The following PTPRQ variants were observed in gnomAD, a reference collection of about 807,000 sequenced individuals.
PTPRQ encodes phosphatidylinositol phosphatase PTPRQ.
Under a neutral mutation model 246.0 loss-of-function variants are expected in PTPRQ, and 199 were observed. The observed-to-expected ratio is 0.81, with a 90% CI of 0.72 to 0.91. The LOEUF (loss-of-function observed/expected upper bound fraction) is 0.91, where lower values mean the gene tolerates loss of function less well. Ranked by LOEUF, PTPRQ falls within the 40% of genes least tolerant of loss-of-function variation. PTPRQ has a pLI of 0.00. For synonymous variants in PTPRQ, 869 were observed against 853.2 expected (o/e 1.02, Z -0.32); for missense variants, 2,624 against 2,528.4 (o/e 1.04, Z -0.81).
intron 43 of PTPRQ, among the ~76,000 whole-genome samples, chr12:80,678,171 G>A (rs960347636): frequency 1.3e-5 from 2 of 149,052 alleles, no homozygotes; most frequent in South Asian, 2.1e-4. Flanking sequence ...TTTTAAATGC[G>A]CTGATGATGT....
At chr12:80,633,313 A>G (rs1899512600) in intron 34 of PTPRQ, among the ~76,000 whole-genome samples, 1 of 152,196 alleles carries the variant, frequency 6.6e-6, no homozygotes, top group South Asian at 2.1e-4. Context: ...CAACACTTGT[A>G]AAATATCCAG....
chr12:80,479,143 T>A (rs1893935134), intron 8 of PTPRQ, among the ~76,000 whole-genome samples: 2 of 151,602 alleles, frequency 1.3e-5, no homozygotes, highest in Non-Finnish European at 2.9e-5. Context: ...CGGGTTACCC[T>A]CAAAGGGAAG....
At chr12:80,608,921 A>G (rs925762626) in intron 27 of PTPRQ, among the ~76,000 whole-genome samples, 1 of 150,630 alleles carries the variant, frequency 6.6e-6, no homozygotes, top group Admixed American at 6.6e-5. Context: ...TACAAAAAGC[A>G]TATTTTTATG....
intron 9 of PTPRQ, among the ~76,000 whole-genome samples, chr12:80,488,730 A>G (rs1894357766): frequency 6.6e-6 from 1 of 152,006 alleles, no homozygotes; most frequent in African/African-American, 2.4e-5. Context: ...TAACCCTCCT[A>G]TGCTAGGCAT....
intron 9 of PTPRQ, among the ~76,000 whole-genome samples, chr12:80,490,997 G>A (rs1204294436): frequency 2.0e-5 from 3 of 151,930 alleles, no homozygotes; most frequent in Non-Finnish European, 4.4e-5. Flanking sequence ...TTGTTACAAA[G>A]CCAATGTTCA....
At chr12:80,539,494 C>T (rs771803864) in intron 19 of PTPRQ, among the ~76,000 whole-genome samples, 1 of 152,078 alleles carries the variant, frequency 6.6e-6, no homozygotes, top group Non-Finnish European at 1.5e-5. Flanking sequence ...TGTAGCATTT[C>T]CATTTGGCCA....
In PTPRQ at chr12:80,603,256, C is replaced by G. The variant is rs17006950; in HGVS notation, c.4610-1803C>G. On this transcript the variant is annotated intron_variant, in intron 26 of 44. Transcript: ENST00000644991. Reference sequence around the variant, plus strand: ...TTTAGGATCTCATGTTTTACTTGGCCTTTTGGAAAGAGCTTATCTACACTC... The same window carrying G: ...TTTAGGATCTCATGTTTTACTTGGCGTTTTGGAAAGAGCTTATCTACACTC... 1.0e-2 allele frequency among the ~76,000 whole-genome samples: 1,507 copies of G among 151,028 alleles called. 20 individuals are homozygous for G. Among genetic ancestry groups the G allele is most frequent in the African/African-American group, 0.034 (1,418 of 41,164 alleles).
chr12:80,640,025 C>CGTGTGT (rs149812346), intron 35 of PTPRQ, among the ~76,000 whole-genome samples: 4,866 of 142,976 alleles, frequency 0.034, 115 homozygotes, highest in Admixed American at 0.075. Flanking sequence ...TGAAGATACA[C>CGTGTGT]GTGTGTGTGT....
chr12:80,627,152 G>T (rs903371456), intron 33 of PTPRQ, among the ~76,000 whole-genome samples: 2 of 151,860 alleles, frequency 1.3e-5, no homozygotes, highest in African/African-American at 4.8e-5. Context: ...ATTGAATCAA[G>T]TTAATTAACA....
At chr12:80,514,157 T>A (rs1895207551) in intron 17 of PTPRQ, among the ~76,000 whole-genome samples, 1 of 152,104 alleles carries the variant, frequency 6.6e-6, no homozygotes. Context: ...CTCTCACTCT[T>A]TTTTCGTAGT....
At chr12:80,658,650 C>T (rs1900525937) in intron 39 of PTPRQ, among the ~76,000 whole-genome samples, 1 of 152,044 alleles carries the variant, frequency 6.6e-6, no homozygotes, top group South Asian at 2.1e-4. Flanking sequence ...CCACTTCTTC[C>T]TAAGACGGGA....
intron 38 of PTPRQ, among the ~76,000 whole-genome samples, chr12:80,656,466 C>G (rs1485845410): frequency 1.3e-5 from 2 of 151,958 alleles, no homozygotes; most frequent in Admixed American, 1.3e-4. Flanking sequence ...TCCTGTTTAC[C>G]CATTTTTCCT....
At chr12:80,639,094 A>G (rs955087392) in intron 35 of PTPRQ, among the ~76,000 whole-genome samples, 1 of 152,216 alleles carries the variant, frequency 6.6e-6, no homozygotes, top group Non-Finnish European at 1.5e-5. Context: ...ACGCACAGTA[A>G]GACACAGACC....
chr12:80,456,117 A>G (rs1289660792), intron 3 of PTPRQ, among the ~76,000 whole-genome samples: 2 of 152,178 alleles, frequency 1.3e-5, no homozygotes, highest in South Asian at 2.1e-4. Flanking sequence ...AAATAATTAA[A>G]TAGAGAGAAG....
At chr12:80,659,375 T>C (rs1900553913) in intron 39 of PTPRQ, among the ~76,000 whole-genome samples, 1 of 152,062 alleles carries the variant, frequency 6.6e-6, no homozygotes. Flanking sequence ...GATGCATATA[T>C]GCATTTAGAT....
At chr12:80,506,514 A>AAAC (rs935859574) in intron 15 of PTPRQ, 55 bp from the exon 16 acceptor site, 2 of 1,344,596 alleles carry the variant, frequency 1.5e-6, no homozygotes, top group African/African-American at 3.0e-5. Context: ...TGCCTCTTGC[A>AAAC]TATTATTAAA....
chr12:80,606,991 A>G (rs1449530440), intron 27 of PTPRQ, among the ~76,000 whole-genome samples: 1 of 151,058 alleles, frequency 6.6e-6, no homozygotes. Flanking sequence ...ACATATTAAG[A>G]AGTGATTTTG....
intron 6 of PTPRQ, among the ~76,000 whole-genome samples, chr12:80,463,624 C>T (rs570387165): frequency 1.3e-5 from 2 of 151,966 alleles, no homozygotes; most frequent in African/African-American, 2.4e-5. Flanking sequence ...AGAGAAAGGT[C>T]GGGTTACCCA....
intron 33 of PTPRQ, among the ~76,000 whole-genome samples, chr12:80,624,768 T>G (rs1173487899): frequency 6.6e-6 from 1 of 152,174 alleles, no homozygotes; most frequent in Non-Finnish European, 1.5e-5. Flanking sequence ...TCCTGGTCCA[T>G]TTGACATTGA....
Sources: allele counts gnomAD v4.1 joint callset (sites outside exome capture counted in the v4.1 genomes callset), GRCh38; gene constraint gnomAD v4.1.1; transcripts MANE v1.5; gene names NCBI Gene and HGNC (gene_info 2026-07-23, HGNC 2026-07-21).